The following OARD1 variants were observed in gnomAD, a reference collection of about 807,000 sequenced individuals.
OARD1 encodes the protein O-acyl-ADP-ribose deacylase 1.
In OARD1, 19 loss-of-function variants were observed where a neutral mutation model predicts 19.7. That is an observed-to-expected ratio of 0.96 (90% CI 0.67 to 1.41). The LOEUF (loss-of-function observed/expected upper bound fraction) is 1.41, where lower values mean the gene tolerates loss of function less well. Among genes scored for constraint, OARD1 ranks in the 40% most tolerant of loss-of-function variants. The pLI is 0.00. For synonymous variants in OARD1, 70 were observed against 61.8 expected, an observed-to-expected ratio of 1.13 and a Z score of -0.62; for missense variants, 190 against 183.8, an observed-to-expected ratio of 1.03 and a Z score of -0.20.
chr6:41,069,993 T>C (rs999016502), intron 4 of OARD1, 83 bp downstream of exon 4: 4 of 842,008 alleles, frequency 4.8e-6, no homozygotes, highest in Non-Finnish European at 8.4e-6. Flanking sequence ...TCAACACAAA[T>C]GCAGTGCAGC....
At chr6:41,081,637 A>C (rs1163350449) in intron 1 of OARD1, among the ~76,000 whole-genome samples, 2 of 152,232 alleles carry the variant, frequency 1.3e-5, no homozygotes, top group African/African-American at 2.4e-5. Flanking sequence ...CTTTATTTTT[A>C]TTCAAGGGGC....
intron 1 of OARD1, chr6:41,084,219 A>G: frequency 6.2e-7 from 1 of 1,608,974 alleles, no homozygotes; most frequent in Non-Finnish European, 8.5e-7. Context: ...AATATTGAGC[A>G]GTATATCAGA....
chr6:41,068,805 A>G (rs1763161779), intron 5 of OARD1, 36 bp downstream of exon 5: 1 of 1,104,444 alleles, frequency 9.1e-7, no homozygotes, highest in Non-Finnish European at 1.3e-6. Context: ...CCCACCAATC[A>G]ATTAAATCTC....
At position 41,071,607 on chromosome 6, in the gene OARD1, C is replaced by G; in HGVS notation, c.28G>C (p.Glu10Gln). Residue 10 changes from glutamate to glutamine, a missense_variant, in exon 2 of 6, where the codon GAA (glutamate) becomes CAA (glutamine). Coordinates refer to ENST00000424266, the MANE Select transcript of OARD1 (RefSeq NM_001329686.2). MASSLNEDP[E>Q]GSRITYVKGD... Reference sequence around the variant, plus strand: ...TAGTTGTTACGCACTCTGCTTCCTTCTGGATCTTCATTAAGGCTGCTGGCC... The same window carrying G: ...TAGTTGTTACGCACTCTGCTTCCTTGTGGATCTTCATTAAGGCTGCTGGCC... 1 of 1,613,454 alleles carries G rather than the reference C, an allele frequency of 6.2e-7. No individual in the cohort carries two copies. The highest frequency in any genetic ancestry group is 8.5e-7 in the Non-Finnish European group (1 of 1,179,314).
At chr6:41,073,550 C>T (rs1471295233), upstream of OARD1, among the ~76,000 whole-genome samples, 1 of 152,122 alleles carries the variant, frequency 6.6e-6, no homozygotes, top group Non-Finnish European at 1.5e-5. Flanking sequence ...AGGAAGCCTC[C>T]CCGGGGCCCG....
chr6:41,073,648 C>A (rs915294744), upstream of OARD1, among the ~76,000 whole-genome samples: 2 of 152,100 alleles, frequency 1.3e-5, no homozygotes, highest in African/African-American at 4.8e-5. Context: ...AGGGTGCGCG[C>A]CGCGGCCGCG....
chr6:41,070,708 G>A (rs1467611509), intron 3 of OARD1: 2 of 297,380 alleles, frequency 6.7e-6, no homozygotes, highest in Non-Finnish European at 1.3e-5. Flanking sequence ...TGTTGCAGAA[G>A]CTTTACATAG....
intron 1 of OARD1, among the ~76,000 whole-genome samples, chr6:41,084,515 G>T (rs1034641826): frequency 1.3e-5 from 2 of 152,080 alleles, no homozygotes; most frequent in Non-Finnish European, 2.9e-5. Flanking sequence ...ATAACAAAAC[G>T]AGCAAAAAGT....
chr6:41,067,447 A>C lies in OARD1; in HGVS notation c.357-10T>G. 6.3e-7 allele frequency: 1 copy of C among 1,579,340 alleles called. No homozygotes were observed. The highest frequency in any genetic ancestry group is 8.7e-7 in the Non-Finnish European group (1 of 1,148,750). ...AAGACCACATCCAATCCTGAAAAAG[A>C]CAAAATATCTCCATTGATGGTAACG... is the stretch of plus-strand genomic sequence containing the variant. On this transcript the variant is annotated splice_polypyrimidine_tract_variant and intron_variant, in intron 5 of 5. Transcript: ENST00000424266.
chr6:41,088,142 G>A (rs59370327), intron 1 of OARD1, among the ~76,000 whole-genome samples: 17,726 of 152,018 alleles, frequency 0.12, 2,621 homozygotes, highest in African/African-American at 0.35. Flanking sequence ...ACATTTGGCC[G>A]GTGCGGTGGC....
At chr6:41,091,392 T>C (rs1383994911) in intron 1 of OARD1, 2 of 774,660 alleles carry the variant, frequency 2.6e-6, no homozygotes, top group Non-Finnish European at 4.0e-6. Context: ...AGAGTACTTT[T>C]TCTCCCCTTG....
chr6:41,080,754 T>A (rs1297935967), intron 1 of OARD1: 3 of 1,444,080 alleles, frequency 2.1e-6, no homozygotes, highest in Non-Finnish European at 2.9e-6. Context: ...GATCTGTGTC[T>A]TGAACTACAC....
chr6:41,086,870 G>A (rs1294010623), intron 1 of OARD1, among the ~76,000 whole-genome samples: 1 of 151,972 alleles, frequency 6.6e-6, no homozygotes, highest in African/African-American at 2.4e-5. Context: ...TTTGCTAGGT[G>A]GATTAAAGAT....
intron 1 of OARD1, among the ~76,000 whole-genome samples, chr6:41,082,618 G>A (rs1053243092): frequency 6.6e-6 from 1 of 152,188 alleles, no homozygotes; most frequent in African/African-American, 2.4e-5. Flanking sequence ...TTTAAAAGAA[G>A]TGGAAACACT....
chr6:41,070,749 G>T, intron 3 of OARD1: 1 of 396,596 alleles, frequency 2.5e-6, no homozygotes, highest in Non-Finnish European at 4.5e-6. Flanking sequence ...GTTTAAAGTG[G>T]CCCGTAGAAA....
At chr6:41,070,774 C>T (rs1317405975) in intron 3 of OARD1, 22 of 466,026 alleles carry the variant, frequency 4.7e-5, no homozygotes, top group South Asian at 1.1e-4. Context: ...TGGGAGGGGT[C>T]TGTAAGGAAG....
rs189990427 is a variant in OARD1 at position 41,083,132 on chromosome 6, A to G, written c.-41-11457T>C. On this transcript the variant is annotated intron_variant, in intron 1 of 4. Transcript: ENST00000480585. ...AAAATTTTGGACTATTCCATGGATC[A>G]TTACAGTTTACTTCTAAAGCACTTT... 9.8e-5 allele frequency among the ~76,000 whole-genome samples: 15 copies of G among 152,344 alleles called. No individual in the cohort carries two copies. In the East Asian group the frequency reaches 2.5e-3, roughly 25 times the overall value.
intron 3 of OARD1, 90 bp from the exon 4 acceptor site, chr6:41,070,224 C>T: frequency 1.3e-6 from 1 of 759,360 alleles, no homozygotes; most frequent in Admixed American, 2.3e-5. Context: ...TCTGAGTTTA[C>T]CTCAGAACTA....
At chr6:41,089,582 C>A in intron 1 of OARD1, 2 of 1,606,922 alleles carry the variant, frequency 1.2e-6, no homozygotes, top group Non-Finnish European at 1.7e-6. Context: ...TCTGCAGATA[C>A]AGTTGGTCCC....
Sources: allele counts gnomAD v4.1 joint callset (sites outside exome capture counted in the v4.1 genomes callset), GRCh38; gene constraint gnomAD v4.1.1; transcripts MANE v1.5; gene names NCBI Gene and HGNC (gene_info 2026-07-23, HGNC 2026-07-21).